Variants in RORB observed in about 807,000 individuals in gnomAD.
The protein encoded by RORB is nuclear receptor ROR-beta.
RORB carries 6 observed loss-of-function variants against 59.1 expected under a neutral mutation model. That is an observed-to-expected ratio of 0.10 (90% CI 0.06 to 0.20). RORB has a LOEUF of 0.20. Ranked by LOEUF, RORB falls within the 10% of genes least tolerant of loss-of-function variation. The probability of loss-of-function intolerance (pLI) is 1.00; values close to 1 mark genes in which losing one functional copy is unlikely to be tolerated. For synonymous variants in RORB, 215 were observed against 204.5 expected (o/e 1.05, Z -0.44); for missense variants, 320 against 560.5 (o/e 0.57, Z 4.33).
intron 1 of RORB, among the ~76,000 whole-genome samples, chr9:74,596,531 G>A (rs1738548110): frequency 6.6e-6 from 1 of 152,130 alleles, no homozygotes; most frequent in African/African-American, 2.4e-5. Flanking sequence ...CAAACAATGG[G>A]CTACAGGTTG....
At chr9:74,640,766 G>A (rs557266565) in intron 3 of RORB, among the ~76,000 whole-genome samples, 1 of 152,260 alleles carries the variant, frequency 6.6e-6, no homozygotes, top group Non-Finnish European at 1.5e-5. Flanking sequence ...GCACATACCT[G>A]CCAGTGAGGG....
chr9:74,584,914 G>A (rs1008068973), intron 1 of RORB, among the ~76,000 whole-genome samples: 13 of 152,186 alleles, frequency 8.5e-5, no homozygotes, highest in African/African-American at 2.4e-4. Flanking sequence ...GGGAAGTTGT[G>A]TTGTTGGATA....
chr9:74,636,234 C>T (rs562885961), intron 3 of RORB, among the ~76,000 whole-genome samples: 1 of 152,144 alleles, frequency 6.6e-6, no homozygotes, highest in Non-Finnish European at 1.5e-5. Flanking sequence ...GATGACTTTG[C>T]ACTTCATTTC....
chr9:74,647,961 T>C (rs1247673184), intron 4 of RORB, among the ~76,000 whole-genome samples: 1 of 152,210 alleles, frequency 6.6e-6, no homozygotes, highest in African/African-American at 2.4e-5. Context: ...TTAAATCTAT[T>C]ATGCACATCT....
intron 3 of RORB, among the ~76,000 whole-genome samples, chr9:74,639,330 T>C (rs1823755346): frequency 6.6e-6 from 1 of 152,228 alleles, no homozygotes; most frequent in Non-Finnish European, 1.5e-5. Flanking sequence ...GTAAGTCACA[T>C]GACCCTGGGC....
At chr9:74,526,532 C>T (rs1418694948) in intron 1 of RORB, among the ~76,000 whole-genome samples, 1 of 151,884 alleles carries the variant, frequency 6.6e-6, no homozygotes, top group Non-Finnish European at 1.5e-5. Context: ...TCAGAATTTT[C>T]CATTACTTCT....
chr9:74,669,249 C>T (rs939315430), intron 8 of RORB, among the ~76,000 whole-genome samples: 1 of 152,144 alleles, frequency 6.6e-6, no homozygotes, highest in Non-Finnish European at 1.5e-5. Flanking sequence ...GAGGCCGAGG[C>T]CAGCGGATCA....
At position 74,562,192 on chromosome 9, in the gene RORB, A is replaced by G. The variant is rs553002374; in HGVS notation, c.7+64209A>G. Among the ~76,000 whole-genome samples, 449 of 152,294 alleles carry G rather than the reference A, an allele frequency of 2.9e-3. 1 individual carries two copies. The highest frequency in any genetic ancestry group is 0.013 in the South Asian group (63 of 4,826). On this transcript the variant is annotated intron_variant, in intron 1 of 9. Coordinates refer to ENST00000376896, the MANE Select transcript of RORB (RefSeq NM_006914.4). ...GAAAACTTCTATACTCAAATGCTGTATGTATTTCAGTCTACTTTCTTATTG... is the reference window on the plus strand; with the variant it reads ...GAAAACTTCTATACTCAAATGCTGTGTGTATTTCAGTCTACTTTCTTATTG...
At chr9:74,668,607 TTACAA>T (rs1396286927) in intron 8 of RORB, among the ~76,000 whole-genome samples, 4 of 152,162 alleles carry the variant, frequency 2.6e-5, no homozygotes, top group African/African-American at 9.7e-5. Flanking sequence ...TACTGTATTC[TTACAA>T]TAAAGTAAGC....
chr9:74,626,547 G>A (rs1452813312), intron 1 of RORB, among the ~76,000 whole-genome samples: 1 of 152,150 alleles, frequency 6.6e-6, no homozygotes, highest in Middle Eastern at 3.2e-3. Flanking sequence ...GTTCCTCTAA[G>A]TTTGTCTCTT....
intron 4 of RORB, among the ~76,000 whole-genome samples, chr9:74,646,765 T>C (rs1823907010): frequency 6.6e-6 from 1 of 152,172 alleles, no homozygotes; most frequent in Admixed American, 6.6e-5. Context: ...AAATGTGCCA[T>C]ACACTTGAGA....
rs149970156 is a variant in RORB, at chr9:74,629,487, C to A, written c.8-795C>A. Among the ~76,000 whole-genome samples the A allele has an allele frequency of 2.0e-3, 309 of 152,014 alleles. 3 individuals are homozygous for A. Among genetic ancestry groups the A allele is most frequent in the Non-Finnish European group, 1.9e-3 (131 of 67,972 alleles). ...TCCACAATCATCCCAGGCCTCCAATCTTTTTTCATTTCCCTTCTGCCAACA... is the reference window on the plus strand; with the variant it reads ...TCCACAATCATCCCAGGCCTCCAATATTTTTTCATTTCCCTTCTGCCAACA... On this transcript the variant is annotated intron_variant, in intron 1 of 9. Coordinates refer to ENST00000376896, the MANE Select transcript of RORB (RefSeq NM_006914.4).
At chr9:74,583,200 T>C (rs1005933210) in intron 1 of RORB, among the ~76,000 whole-genome samples, 3 of 152,146 alleles carry the variant, frequency 2.0e-5, no homozygotes, top group Non-Finnish European at 4.4e-5. Flanking sequence ...AGTGTTTCTT[T>C]TTACCAACTT....
chr9:74,609,572 G>C (rs1823203412), intron 1 of RORB, among the ~76,000 whole-genome samples: 1 of 152,134 alleles, frequency 6.6e-6, no homozygotes, highest in Non-Finnish European at 1.5e-5. Flanking sequence ...ACAATTGATA[G>C]CTGATATTTA....
chr9:74,659,495 T>G (rs1824145354), intron 4 of RORB, among the ~76,000 whole-genome samples: 2 of 151,934 alleles, frequency 1.3e-5, no homozygotes, highest in Admixed American at 1.3e-4. Context: ...TTTTGTTTTG[T>G]TTTGTTTTGC....
intron 9 of RORB, among the ~76,000 whole-genome samples, chr9:74,684,782 G>A (rs62571994): frequency 7.2e-5 from 11 of 152,136 alleles, no homozygotes; most frequent in East Asian, 1.9e-4. Flanking sequence ...CAGTGGAAAC[G>A]GATTAGAGAG....
chr9:74,643,481 T>C (rs1223476899), intron 4 of RORB, among the ~76,000 whole-genome samples: 2 of 152,246 alleles, frequency 1.3e-5, no homozygotes, highest in Admixed American at 6.5e-5. Flanking sequence ...TAAGGAGCGA[T>C]CTTCAAGAGT....
chr9:74,666,738 G>A (rs1370405747), intron 7 of RORB, among the ~76,000 whole-genome samples: 1 of 152,182 alleles, frequency 6.6e-6, no homozygotes, highest in Non-Finnish European at 1.5e-5. Context: ...CAGAGTTCAT[G>A]CCAACCTGTC....
At chr9:74,509,318 A>G (rs1367947534) in intron 1 of RORB, among the ~76,000 whole-genome samples, 2 of 152,108 alleles carry the variant, frequency 1.3e-5, no homozygotes, top group African/African-American at 2.4e-5. Flanking sequence ...TTATCTTTCC[A>G]TAATTATTCC....
Sources: allele counts gnomAD v4.1 joint callset (sites outside exome capture counted in the v4.1 genomes callset), GRCh38; gene constraint gnomAD v4.1.1; transcripts MANE v1.5; gene names NCBI Gene and HGNC (gene_info 2026-07-23, HGNC 2026-07-21).